Variants in INTS11 observed in about 807,000 individuals in gnomAD.
INTS11 encodes the protein CPSF3-like protein.
A neutral mutation model predicts 78.6 loss-of-function variants in INTS11; 77 were observed. That is an observed-to-expected ratio of 0.98 (90% confidence interval 0.81 to 1.18). The LOEUF (loss-of-function observed/expected upper bound fraction) is 1.18. Ranked by LOEUF, INTS11 falls within the 50% of genes most tolerant of loss-of-function variation. INTS11 has a pLI of 0.00. For synonymous variants in INTS11, 441 were observed against 326.9 expected (o/e 1.35, Z -3.77); for missense variants, 875 against 825.9 (o/e 1.06, Z -0.73).
Position 1,321,051 on chromosome 1 carries a change from A to G in INTS11, c.71T>C (p.Ile24Thr), listed in dbSNP as rs992635986. Residue 24 changes from isoleucine (I) to threonine (T), a missense_variant, in exon 2 of 17, where the codon ATT becomes ACT. By Grantham distance (89) the Ile-to-Thr change is moderately conservative (BLOSUM62 -1). Transcript: ENST00000435064. ...DVGRSCILVS[I>T]AGKNVMLDCG... is the part of the protein sequence containing the mutation. ...GTCCAGCATGACATTCTTGCCCGCA[A>G]TGGAGACCAGGATGCAGCTTCGGCC... 3.1e-5 allele frequency: 50 copies of G among 1,612,918 alleles called. No individual in the cohort carries two copies. Among genetic ancestry groups the G allele is most frequent in the Non-Finnish European group, 3.8e-5 (45 of 1,179,876 alleles).
At position 1,314,171 on chromosome 1, in the gene INTS11, G is replaced by A. The variant is rs888405991; in HGVS notation, c.767+130C>T. ...GGCTTCCTGGGGTCACACAGCACACGAGCGGCCCCCCAGGACAGCAGCAAG... is the reference window on the plus strand; with the variant it reads ...GGCTTCCTGGGGTCACACAGCACACAAGCGGCCCCCCAGGACAGCAGCAAG... On this transcript the variant is annotated intron_variant, in intron 8 of 16. Transcript: ENST00000435064. This position sits in a 1 kb window ranked among gnomAD's most constrained non-coding sequence, Gnocchi z 4.2. 2.1e-5 allele frequency: 19 copies of A among 920,716 alleles called. No homozygotes were observed. Among genetic ancestry groups the A allele is most frequent in the East Asian group, 1.3e-4 (5 of 37,878 alleles). The allele number at this position is 920,716 out of a possible 1,614,324, so 57.0% of individuals were successfully genotyped here. A position where few individuals can be genotyped will look rare whatever the true frequency, so the allele number is the denominator to read the frequency against.
intron 1 of INTS11, among the ~76,000 whole-genome samples, chr1:1,323,465 C>T (rs1569581950): frequency 1.3e-5 from 2 of 152,254 alleles, no homozygotes; most frequent in Admixed American, 6.5e-5. Flanking sequence ...AGTGCAGTGG[C>T]ACAATCATGG....
Position 1,312,702 on chromosome 1 carries a change from T to C in INTS11, c.1295-2A>G, listed in dbSNP as rs1023476244. ...TGGCCGGCATGTAGCAGTTGACCCC[T>C]GGACCCCGGGGGAAGAGAGAGCCTC... On this transcript the variant is annotated splice_acceptor_variant, in intron 12 of 16. Coordinates refer to ENST00000435064, the MANE Select transcript of INTS11 (RefSeq NM_017871.6). LOFTEE classifies it high-confidence loss of function. 3 of 1,592,454 alleles carry C rather than the reference T, an allele frequency of 1.9e-6. No homozygotes were observed. The highest frequency in any genetic ancestry group is 2.6e-6 in the Non-Finnish European group (3 of 1,166,340).
intron 15 of INTS11, 38 bp from the exon 16 acceptor site, chr1:1,312,185 G>A (rs1176348357): frequency 7.0e-7 from 1 of 1,436,696 alleles, no homozygotes. Context: ...CTGGCCTCCA[G>A]GGCCCAAGGG....
In INTS11 at chr1:1,314,712, A is replaced by G; in HGVS notation, c.702+112T>C. ...AATCTTCTTCCCTCCCTGCCTGAAA[A>G]TGCAGTACCCCCCACCCTGAGACCC... On this transcript the variant is annotated intron_variant, in intron 7 of 16. Coordinates refer to ENST00000435064, the MANE Select transcript of INTS11 (RefSeq NM_017871.6). This position sits in a 1 kb window ranked among gnomAD's most constrained non-coding sequence, Gnocchi z 4.2. The G allele has an allele frequency of 1.6e-6, 2 of 1,274,670 alleles. No homozygotes were observed. The highest frequency in any genetic ancestry group is 2.2e-6 in the Non-Finnish European group (2 of 913,398). The allele number at this position is 1,274,670 out of a possible 1,614,324, so 79.0% of individuals were successfully genotyped here.
chr1:1,324,450 C>A (rs571318191), intron 1 of INTS11, 131 bp downstream of exon 1: 2 of 916,178 alleles, frequency 2.2e-6, no homozygotes, highest in East Asian at 3.1e-5. Flanking sequence ...AGGGCCCGCG[C>A]GGGGAGGAGA....
intron 10 of INTS11, 33 bp downstream of exon 10, chr1:1,313,476 C>T (rs1642370284): frequency 6.2e-7 from 1 of 1,611,348 alleles, no homozygotes; most frequent in African/African-American, 1.3e-5. Flanking sequence ...CGGCCTCCAG[C>T]TTCCAGATTC....
At chr1:1,317,073 C>A (rs935066223) in intron 4 of INTS11, 5 of 150,300 alleles carry the variant, frequency 3.3e-5, no homozygotes, top group Non-Finnish European at 6.0e-5. Flanking sequence ...TAGGCACGCA[C>A]CCACCACGCC....
Position 1,314,830 on chromosome 1 carries a change from ACCACGCT to A in INTS11, c.689_695del (p.Glu230ValfsTer5), listed in dbSNP as rs763449895. On this transcript the variant is annotated frameshift_variant, in exon 7 of 17. Coordinates refer to ENST00000435064, the MANE Select transcript of INTS11 (RefSeq NM_017871.6). LOFTEE classifies it high-confidence loss of function. The surrounding 1 kb of genome is among the most constrained non-coding windows in gnomAD (Gnocchi z 4.2). ...CCACCCCTGCTGCAGCTACCTTCCC[ACCACGCT>A]CCACGGTCTCGTGGACTTTCTTCAG... The A allele has an allele frequency of 1.1e-5, 18 of 1,610,616 alleles. No homozygotes were observed. Among genetic ancestry groups the A allele is most frequent in the African/African-American group, 2.7e-5 (2 of 74,772 alleles).
Position 1,312,213 on chromosome 1 carries a change from G to GCGCCCCCCCCCCCCC in INTS11, c.1607+12_1607+13insGGGGGGGGGGGGGCG. 2.1e-6 allele frequency: 2 copies of GCGCCCCCCCCCCCCC among 934,522 alleles called. No individual in the cohort carries two copies. The highest frequency in any genetic ancestry group is 1.6e-6 in the Non-Finnish European group (1 of 636,574). 57.9% of individuals were successfully genotyped at this position (934,522 alleles called of 1,614,324 possible). On this transcript the variant is annotated intron_variant, in intron 15 of 16. Coordinates refer to ENST00000435064, the MANE Select transcript of INTS11 (RefSeq NM_017871.6). The stretch of plus-strand genomic sequence containing the variant: ...CCCAAGGGAGTGGGGGGGGGGCGGG[G>GCGCCCCCCCCCCCCC]CCGGGCGCCCACCTCTTGAGGTGGC...
chr1:1,317,284 C>T (rs1486580162), intron 4 of INTS11: 1 of 156,202 alleles, frequency 6.4e-6, no homozygotes, highest in Non-Finnish European at 1.4e-5. Context: ...ATCCCAGCTA[C>T]TCGGGAGGCT....
At position 1,321,080 on chromosome 1, in the gene INTS11, G is replaced by A. The variant is rs1341068118; in HGVS notation, c.42C>T (p.Asp14=). The A allele has an allele frequency of 7.4e-6, 12 of 1,611,220 alleles. No homozygotes were observed. The highest frequency in any genetic ancestry group is 1.6e-4 in the Middle Eastern group (1 of 6,076). Residue 14 remains aspartate (D), a synonymous_variant, in exon 2 of 17, where the codon GAC becomes GAT. Transcript: ENST00000435064. ...IRVTPLGAGQ[D]VGRSCILVSI... ...AGACCAGGATGCAGCTTCGGCCCACGTCCTGGCCGGCCCCTACTCGAGGGA... is the reference window on the plus strand; with the variant it reads ...AGACCAGGATGCAGCTTCGGCCCACATCCTGGCCGGCCCCTACTCGAGGGA...
intron 1 of INTS11, chr1:1,323,334 T>C: frequency 2.0e-6 from 3 of 1,527,668 alleles, no homozygotes; most frequent in Non-Finnish European, 2.7e-6. Flanking sequence ...ACCAACACCA[T>C]GTCCCTCCAG....
Position 1,312,512 on chromosome 1 carries a change from G to A in INTS11, c.1403-11C>T. On this transcript the variant is annotated splice_polypyrimidine_tract_variant and intron_variant, in intron 13 of 16. Transcript: ENST00000435064. ...CCTCAGGGAGCAGCCCTGCGGAGGAGGTGGCAGGAGCCATCAATGTGAGGG... is the reference window on the plus strand; with the variant it reads ...CCTCAGGGAGCAGCCCTGCGGAGGAAGTGGCAGGAGCCATCAATGTGAGGG... 3 of 1,583,388 alleles carry A rather than the reference G, an allele frequency of 1.9e-6. No individual in the cohort carries two copies. Among genetic ancestry groups the A allele is most frequent in the Non-Finnish European group, 2.6e-6 (3 of 1,165,438 alleles).
intron 4 of INTS11, among the ~76,000 whole-genome samples, chr1:1,315,907 C>A (rs1218234146): frequency 6.6e-6 from 1 of 152,004 alleles, no homozygotes; most frequent in Non-Finnish European, 1.5e-5. Context: ...CACACAGCAT[C>A]CAGTTCACAA....
Position 1,315,555 on chromosome 1 carries a change from G to C in INTS11, c.493C>G (p.Gln165Glu). ...AGHVLGAAMF[Q>E]IKVGSESVVY... ...ACAGACTCTGAGCCCACTTTAATCT[G>C]GAACATGGCTGCCCCCAGCACGTGG... The change falls in exon 5 of 17, where the codon CAG (glutamine) becomes GAG (glutamate). Residue 165 changes from glutamine to glutamate, a missense_variant. Physicochemically the swap from Gln to Glu is conservative, Grantham distance 29 (BLOSUM62 2). Coordinates refer to ENST00000435064, the MANE Select transcript of INTS11 (RefSeq NM_017871.6). 1 of 1,612,600 alleles carries C rather than the reference G, an allele frequency of 6.2e-7. No homozygotes were observed. Among genetic ancestry groups the C allele is most frequent in the South Asian group, 1.1e-5 (1 of 90,994 alleles).
chr1:1,313,063 C>T lies in INTS11; in HGVS notation c.1103G>A (p.Arg368Gln), dbSNP rs768724959. The change falls in exon 11 of 17, where the codon CGG (arginine) becomes CAG (glutamine). Residue 368 changes from arginine to glutamine, a missense_variant. Coordinates refer to ENST00000435064, the MANE Select transcript of INTS11 (RefSeq NM_017871.6). The stretch of plus-strand genomic sequence containing the variant: ...CTGCCGCCCCTCCATCTCGAGCTTC[C>T]GCTGCCCGCTGAGGATCTTGTGGCC... ...TVGHKILSGQ[R>Q]KLEMEGRQVL... The T allele has an allele frequency of 8.1e-6, 13 of 1,610,258 alleles. No individual in the cohort carries two copies. The highest frequency in any genetic ancestry group is 4.5e-5 in the East Asian group (2 of 44,890).
At position 1,314,451 on chromosome 1, in the gene INTS11, A is replaced by G; in HGVS notation, c.703-86T>C. The G allele has an allele frequency of 8.1e-7, 1 of 1,233,970 alleles. No individual in the cohort carries two copies. Among genetic ancestry groups the G allele is most frequent in the Admixed American group, 2.3e-5 (1 of 43,034 alleles). 76.4% of individuals were successfully genotyped at this position (1,233,970 alleles called of 1,614,324 possible). On this transcript the variant is annotated intron_variant, in intron 7 of 16. Transcript: ENST00000435064. This position sits in a 1 kb window ranked among gnomAD's most constrained non-coding sequence, Gnocchi z 4.2. ...CCAGTGAGGGCACGGCCAGGTGCCCAAGAGCTGCGGCCTCATAGGGACCTT... is the reference window on the plus strand; with the variant it reads ...CCAGTGAGGGCACGGCCAGGTGCCCGAGAGCTGCGGCCTCATAGGGACCTT...
Position 1,312,462 on chromosome 1 carries a change from C to T in INTS11, c.1442G>A (p.Gly481Asp). Residue 481 changes from glycine to aspartate, a missense_variant, in exon 14 of 17, where the codon GGC (glycine) becomes GAC (aspartate). Physicochemically the swap from Gly to Asp is moderately conservative, Grantham distance 94. Transcript: ENST00000435064. ...PEAKKPRLLH[G>D]TLIMKDSNFR... ...CACGCTGTCCTTCATGATCAGGGTG[C>T]CGTGCAGGAGCCGAGGCTTCTTGGC... is the stretch of plus-strand genomic sequence containing the variant. 6.4e-7 allele frequency: 1 copy of T among 1,574,026 alleles called. No homozygotes were observed. The highest frequency in any genetic ancestry group is 1.8e-5 in the Admixed American group (1 of 54,206).
Sources: gnomAD v4.1 joint callset for allele counts (sites outside exome capture counted in the v4.1 genomes callset) on GRCh38, gnomAD v4.1.1 for gene constraint, Gnocchi (gnomAD v3.1) non-coding constraint, MANE v1.5 for transcripts, NCBI Gene and HGNC (gene_info 2026-07-23, HGNC 2026-07-21) for gene names.